CNIH3: variants seen among roughly 807,000 people sequenced by gnomAD.
CNIH3 encodes the protein cornichon family AMPA receptor auxiliary protein 3, also known as protein cornichon homolog 3.
Under a neutral mutation model 24.1 loss-of-function variants are expected in CNIH3, and 14 were observed. The ratio of observed to expected loss-of-function variants is 0.58; its 90% CI spans 0.38 to 0.91. The LOEUF (loss-of-function observed/expected upper bound fraction) is 0.91. CNIH3 is among the 40% of genes least tolerant of loss of function. CNIH3 has a pLI of 0.00. For synonymous variants in CNIH3, 68 were observed against 73.8 expected, an observed-to-expected ratio of 0.92 and a Z score of 0.40; for missense variants, 178 against 196.8, an observed-to-expected ratio of 0.90 and a Z score of 0.57.
intron 3 of CNIH3, among the ~76,000 whole-genome samples, chr1:224,601,258 G>A (rs1373829823): frequency 6.6e-6 from 1 of 152,260 alleles, no homozygotes; most frequent in East Asian, 1.9e-4. Context: ...CATGCTCAGT[G>A]GCCTGCCAGC....
At chr1:224,494,751 C>T (rs191167186) in intron 1 of CNIH3, among the ~76,000 whole-genome samples, 65 of 152,244 alleles carry the variant, frequency 4.3e-4, no homozygotes, top group African/African-American at 1.6e-3. Flanking sequence ...CAGGTCAGGG[C>T]CTGGTAAAGA....
At chr1:224,520,342 G>A (rs1016318894) in intron 1 of CNIH3, among the ~76,000 whole-genome samples, 3 of 152,178 alleles carry the variant, frequency 2.0e-5, no homozygotes, top group South Asian at 2.1e-4. Context: ...AAGCTTTGTC[G>A]ATATAAGCGA....
chr1:224,615,668 C>T (rs1013628884), upstream of CNIH3: 2 of 152,236 alleles, frequency 1.3e-5, no homozygotes, highest in Non-Finnish European at 1.5e-5. Flanking sequence ...CCACCGAGCC[C>T]TCGTTGCTGC....
intron 3 of CNIH3, among the ~76,000 whole-genome samples, chr1:224,726,605 G>C (rs1689034739): frequency 6.6e-6 from 1 of 152,102 alleles, no homozygotes; most frequent in African/African-American, 2.4e-5. Flanking sequence ...TGCTTTCACT[G>C]TTCCACTTCT....
chr1:224,452,810 A>G (rs1260042126), intron 1 of CNIH3, among the ~76,000 whole-genome samples: 1 of 142,396 alleles, frequency 7.0e-6, no homozygotes, highest in African/African-American at 2.6e-5. Context: ...AAAGGGTTTC[A>G]GGGCCAAAAG....
chr1:224,593,329 G>T (rs56034385), downstream of CNIH3, among the ~76,000 whole-genome samples: 7,244 of 151,916 alleles, frequency 0.048, 584 homozygotes, highest in African/African-American at 0.16. Flanking sequence ...TATCCACTCT[G>T]TTACTTCTTA....
Position 224,739,362 on chromosome 1 carries a change from A to G in CNIH3, c.*6A>G. On this transcript the variant is annotated 3_prime_UTR_variant, in exon 6 of 6. Transcript: ENST00000272133. The stretch of plus-strand genomic sequence containing the variant: ...ACACTTTAGTGAGCTCTTAACGCAA[A>G]GACCATGCACATCATCAGAGACTGA... 2 of 1,597,778 alleles carry G rather than the reference A, an allele frequency of 1.3e-6. No individual in the cohort carries two copies. Among genetic ancestry groups the G allele is most frequent in the Non-Finnish European group, 1.7e-6 (2 of 1,176,168 alleles).
intron 3 of CNIH3, chr1:224,565,514 C>A (rs1169465601): frequency 6.6e-6 from 1 of 152,416 alleles, no homozygotes; most frequent in Non-Finnish European, 1.5e-5. Context: ...TGCTCCAGGC[C>A]TTCTGACCTA....
At chr1:224,737,632 C>T (rs1689660672) in intron 5 of CNIH3, among the ~76,000 whole-genome samples, 2 of 152,162 alleles carry the variant, frequency 1.3e-5, no homozygotes, top group African/African-American at 4.8e-5. Flanking sequence ...CATGTCTGAA[C>T]TGAGCTCAGG....
At chr1:224,646,917 C>T (rs1192049076) in intron 1 of CNIH3, among the ~76,000 whole-genome samples, 1 of 152,142 alleles carries the variant, frequency 6.6e-6, no homozygotes, top group Non-Finnish European at 1.5e-5. Flanking sequence ...CATGTGGCCT[C>T]AAGAGGAAAT....
intron 1 of CNIH3, among the ~76,000 whole-genome samples, chr1:224,644,467 G>A (rs1157383232): frequency 3.3e-5 from 5 of 152,110 alleles, no homozygotes; most frequent in Non-Finnish European, 7.4e-5. Context: ...GGGAGTGTGG[G>A]GTTGGACCAG....
chr1:224,733,293 A>G (rs1393360213), intron 4 of CNIH3, among the ~76,000 whole-genome samples: 3 of 152,208 alleles, frequency 2.0e-5, no homozygotes, highest in Non-Finnish European at 2.9e-5. Context: ...GTGACTGGTG[A>G]CTGGCAGGGC....
downstream of CNIH3, among the ~76,000 whole-genome samples, chr1:224,592,223 G>A (rs777839538): frequency 1.3e-4 from 19 of 151,966 alleles, no homozygotes; most frequent in African/African-American, 3.4e-4. Flanking sequence ...TGTTTCAGGC[G>A]TCCTTTACAT....
At chr1:224,639,856 G>A (rs1553279384) in intron 1 of CNIH3, among the ~76,000 whole-genome samples, 1 of 152,140 alleles carries the variant, frequency 6.6e-6, no homozygotes, top group Non-Finnish European at 1.5e-5. Flanking sequence ...TAACCCGATT[G>A]CAGATCAGAG....
At chr1:224,460,274 A>T (rs749934336) in intron 1 of CNIH3, among the ~76,000 whole-genome samples, 26 of 152,258 alleles carry the variant, frequency 1.7e-4, no homozygotes, top group Non-Finnish European at 2.2e-4. Flanking sequence ...TTATATTTAA[A>T]GTGGATAATT....
chr1:224,589,355 C>T (rs1348168021), downstream of CNIH3, among the ~76,000 whole-genome samples: 1 of 152,148 alleles, frequency 6.6e-6, no homozygotes, highest in Non-Finnish European at 1.5e-5. Flanking sequence ...TATAATAAGT[C>T]TACATTCTGA....
chr1:224,657,671 A>T (rs1168495554), intron 1 of CNIH3, among the ~76,000 whole-genome samples: 2 of 152,158 alleles, frequency 1.3e-5, no homozygotes, highest in Non-Finnish European at 2.9e-5. Context: ...CAGCCCTCCA[A>T]CGAGAGTCCT....
At chr1:224,719,939 A>G (rs1558331744) in intron 3 of CNIH3, among the ~76,000 whole-genome samples, 1 of 152,222 alleles carries the variant, frequency 6.6e-6, no homozygotes, top group Non-Finnish European at 1.5e-5. Flanking sequence ...ACAAACACAT[A>G]TGCATGTGCT....
intron 1 of CNIH3, among the ~76,000 whole-genome samples, chr1:224,672,653 A>C (rs545067796): frequency 1.3e-5 from 2 of 151,962 alleles, no homozygotes; most frequent in Non-Finnish European, 2.9e-5. Flanking sequence ...CTTTTTTTCT[A>C]TCTCATAAAG....
Sources: gnomAD v4.1 joint callset for allele counts (sites outside exome capture counted in the v4.1 genomes callset) on GRCh38, gnomAD v4.1.1 for gene constraint, MANE v1.5 for transcripts, NCBI Gene and HGNC (gene_info 2026-07-23, HGNC 2026-07-21) for gene names.